The following STK40 variants were observed in gnomAD, a reference collection of about 807,000 sequenced individuals.
STK40 encodes serine/threonine-protein kinase 40.
Under a neutral mutation model 47.9 loss-of-function variants are expected in STK40, and 13 were observed. That is an observed-to-expected ratio of 0.27 (90% CI 0.18 to 0.43). The LOEUF (loss-of-function observed/expected upper bound fraction) is 0.43, where lower values mean the gene tolerates loss of function less well. STK40 is among the 20% of genes least tolerant of loss of function. The probability of loss-of-function intolerance (pLI) is 1.00; values close to 1 mark genes in which losing one functional copy is unlikely to be tolerated. For missense variants in STK40, 460 were observed against 595.1 expected, an observed-to-expected ratio of 0.77 and a Z score of 2.36; for synonymous variants, 225 against 243.2, an observed-to-expected ratio of 0.93 and a Z score of 0.69.
Position 36,358,810 on chromosome 1 carries a change from C to T in STK40, c.125G>A (p.Gly42Asp). 6.2e-7 allele frequency: 1 copy of T among 1,614,126 alleles called. No homozygotes were observed. The change falls in exon 3 of 11, where the codon GGC becomes GAC. Residue 42 changes from glycine (G) to aspartate (D), a missense_variant. This residue lies in a region of STK40 where 277 missense variants were observed against 358.7 expected (regional missense o/e 0.77). Transcript: ENST00000373132. ...CACTATGCTTGGCACCGGTGAGTTG[C>T]CCAGACGGGGACCTACGGCACAGAG... ...AGPFILGPRL[G>D]NSPVPSIVQC...
chr1:36,342,002 CAA>C, intron 10 of STK40, 29 bp from the exon 11 acceptor site: 1 of 1,587,274 alleles, frequency 6.3e-7, no homozygotes, highest in South Asian at 1.1e-5. Context: ...GGGAAGGAGA[CAA>C]AGATAAACCC....
chr1:36,345,991 A>ATATATATATATATATTTTTTTTTTT, intron 7 of STK40, among the ~76,000 whole-genome samples: 1 of 26,468 alleles, frequency 3.8e-5, no homozygotes, highest in African/African-American at 1.4e-4. Flanking sequence ...ATATATATAT[A>ATATATATATATATATTTTTTTTTTT]TTTTTTTTTT....
intron 2 of STK40, among the ~76,000 whole-genome samples, chr1:36,359,748 G>A (rs1646835754): frequency 6.6e-6 from 1 of 152,196 alleles, no homozygotes; most frequent in Non-Finnish European, 1.5e-5. Flanking sequence ...AAACTCCTTT[G>A]TCTGGCCCCC....
rs145419726 is a variant in STK40, at chr1:36,361,881, C to T, written c.-8-541G>A. On this transcript the variant is annotated intron_variant, in intron 1 of 10. Transcript: ENST00000373132. ...GAGGCCTGGGGGCTTCTTATGCCCA[C>T]GGAGTTTGATGACTACAGCCCTGAG... 5.9e-5 allele frequency among the ~76,000 whole-genome samples: 9 copies of T among 152,276 alleles called. No homozygotes were observed. The South Asian group carries it at 6.2e-4, about 11-fold the overall frequency.
intron 4 of STK40, 60 bp downstream of exon 4, chr1:36,358,179 G>A (rs1646820912): frequency 1.3e-6 from 2 of 1,486,218 alleles, no homozygotes; most frequent in Non-Finnish European, 1.8e-6. Flanking sequence ...GCCCCAGCAA[G>A]TGGCAGCCCA....
intron 1 of STK40, among the ~76,000 whole-genome samples, chr1:36,382,641 T>C (rs1438513377): frequency 3.3e-5 from 5 of 152,240 alleles, no homozygotes; most frequent in Non-Finnish European, 7.3e-5. Context: ...AATAAAACTC[T>C]GTGATCTTGT....
intron 6 of STK40, among the ~76,000 whole-genome samples, chr1:36,351,429 C>T (rs1052880903): frequency 6.6e-6 from 1 of 152,028 alleles, no homozygotes. Flanking sequence ...GTCAACTGAA[C>T]GAGGTGAGAG....
intron 4 of STK40, among the ~76,000 whole-genome samples, chr1:36,356,840 A>C (rs925394489): frequency 3.9e-5 from 6 of 152,160 alleles, no homozygotes; most frequent in African/African-American, 1.4e-4. Context: ...CTCTCATCCA[A>C]AATGACATGA....
intron 6 of STK40, among the ~76,000 whole-genome samples, chr1:36,350,338 A>C (rs1490234484): frequency 1.3e-5 from 2 of 152,156 alleles, no homozygotes; most frequent in African/African-American, 2.4e-5. Context: ...GAAGGTTCCC[A>C]CAGAGCAGAG....
intron 7 of STK40, among the ~76,000 whole-genome samples, chr1:36,345,991 A>ATATATATATATATT: frequency 7.6e-5 from 2 of 26,466 alleles, no homozygotes; most frequent in Non-Finnish European, 1.4e-4. Context: ...ATATATATAT[A>ATATATATATATATT]TTTTTTTTTT....
At chr1:36,369,856 G>A (rs559045214) in intron 1 of STK40, among the ~76,000 whole-genome samples, 1 of 152,364 alleles carries the variant, frequency 6.6e-6, no homozygotes, top group South Asian at 2.1e-4. Context: ...GCTGTTTGCT[G>A]GGCATCTATA....
intron 4 of STK40, among the ~76,000 whole-genome samples, chr1:36,356,214 G>A (rs1022975420): frequency 6.6e-6 from 1 of 152,094 alleles, no homozygotes; most frequent in African/African-American, 2.4e-5. Flanking sequence ...AGTGGGTACT[G>A]CCACCAATGT....
At chr1:36,351,344 C>G (rs1046682447) in intron 6 of STK40, among the ~76,000 whole-genome samples, 3 of 152,172 alleles carry the variant, frequency 2.0e-5, no homozygotes, top group Non-Finnish European at 4.4e-5. Flanking sequence ...CCAGCTGGTC[C>G]GCCTACTGCT....
rs137962299 is a variant in STK40, at chr1:36,382,471, G to A, written c.-9+3252C>T. Among the ~76,000 whole-genome samples, 1,290 of 152,174 alleles carry A rather than the reference G, an allele frequency of 8.5e-3. 18 individuals carry two copies. The highest frequency in any genetic ancestry group is 0.029 in the African/African-American group (1,219 of 41,518). On this transcript the variant is annotated intron_variant, in intron 1 of 10. Coordinates refer to ENST00000373132, the MANE Select transcript of STK40 (RefSeq NM_001282547.2). ...AGGGATTACAGGCGTTAGCCACCGCGCCTGGCCAACCCATGTATACTTTAA... is the reference window on the plus strand; with the variant it reads ...AGGGATTACAGGCGTTAGCCACCGCACCTGGCCAACCCATGTATACTTTAA...
chr1:36,358,652 G>T (rs180869878), intron 3 of STK40, 85 bp downstream of exon 3: 7 of 1,428,094 alleles, frequency 4.9e-6, no homozygotes, highest in Non-Finnish European at 6.9e-6. Flanking sequence ...TCACAATGAC[G>T]CAGGTGTGAA....
At chr1:36,351,983 G>C (rs1646763081) in intron 6 of STK40, among the ~76,000 whole-genome samples, 1 of 152,208 alleles carries the variant, frequency 6.6e-6, no homozygotes, top group South Asian at 2.1e-4. Flanking sequence ...CTCTCTTTGT[G>C]AACAGTAAGC....
chr1:36,381,713 T>G (rs1290844267), intron 1 of STK40, among the ~76,000 whole-genome samples: 1 of 152,150 alleles, frequency 6.6e-6, no homozygotes, highest in East Asian at 1.9e-4. Context: ...GGTCTTCAAT[T>G]TCTGGGCTCA....
At position 36,369,523 on chromosome 1, in the gene STK40, T is replaced by C. The variant is rs935891472; in HGVS notation, c.-8-8183A>G. On this transcript the variant is annotated intron_variant, in intron 1 of 10. Coordinates refer to ENST00000373132, the MANE Select transcript of STK40 (RefSeq NM_001282547.2). ...AATCCAGCCACACCAAATGACACAATCCCGAGTATGCCATGAACACCCCTG... is the reference window on the plus strand; with the variant it reads ...AATCCAGCCACACCAAATGACACAACCCCGAGTATGCCATGAACACCCCTG... Among the ~76,000 whole-genome samples, 9 of 152,234 alleles carry C rather than the reference T, an allele frequency of 5.9e-5. 1 individual carries two copies. In the Middle Eastern group the frequency reaches 0.014, roughly 230 times the overall value.
intron 1 of STK40, chr1:36,362,452 A>C (rs1167840913): frequency 2.0e-5 from 3 of 152,242 alleles, no homozygotes; most frequent in Non-Finnish European, 4.4e-5. Context: ...TGCCCAGGTA[A>C]GAAATGGCAT....
Sources: gnomAD v4.1 joint callset for allele counts (sites outside exome capture counted in the v4.1 genomes callset) on GRCh38, gnomAD v4.1.1 for gene constraint, gnomAD v4.1.1 regional missense constraint, MANE v1.5 for transcripts, NCBI Gene and HGNC (gene_info 2026-07-23, HGNC 2026-07-21) for gene names.